RGS7BP: variants seen among roughly 807,000 people sequenced by gnomAD.
RGS7BP encodes the protein regulator of G protein signaling 7 binding protein, also known as regulator of G protein signaling 7-binding protein.
In RGS7BP, 9 loss-of-function variants were observed where a neutral mutation model predicts 31.3. That is an observed-to-expected ratio of 0.29 (90% CI 0.17 to 0.50). The LOEUF (loss-of-function observed/expected upper bound fraction) is 0.50, where lower values mean the gene tolerates loss of function less well. Ranked by LOEUF, RGS7BP falls within the 20% of genes least tolerant of loss-of-function variation. The pLI, the probability that RGS7BP is intolerant of heterozygous loss-of-function variation, is 0.98. For synonymous variants in RGS7BP, 115 were observed against 120.1 expected (o/e 0.96, Z 0.28); for missense variants, 274 against 322.0 (o/e 0.85, Z 1.14).
At chr5:64,522,573 T>C (rs937570870) in intron 2 of RGS7BP, among the ~76,000 whole-genome samples, 20 of 152,348 alleles carry the variant, frequency 1.3e-4, no homozygotes, top group African/African-American at 3.4e-4. Context: ...TGTACCATCA[T>C]TGAATAATGA....
rs149463466 is a variant in RGS7BP, at chr5:64,525,162, C to T, written c.332+17285C>T. Among the ~76,000 whole-genome samples the T allele has an allele frequency of 9.5e-3, 1,442 of 152,088 alleles. 20 individuals are homozygous for T. Among genetic ancestry groups the T allele is most frequent in the African/African-American group, 0.033 (1,353 of 41,460 alleles). On this transcript the variant is annotated intron_variant, in intron 2 of 5. Transcript: ENST00000334025. ...AGCCATTTCAACTTCCTCCCTCCTC[C>T]GGGGATGAAATAGAAGCCCCCAAGC...
chr5:64,545,926 A>G (rs747401948), intron 2 of RGS7BP, among the ~76,000 whole-genome samples: 23 of 152,146 alleles, frequency 1.5e-4, no homozygotes, highest in Admixed American at 3.3e-4. Flanking sequence ...TAAATGTTAC[A>G]AGTATTAATG....
At chr5:64,608,171 C>A (rs1743412421) in intron 5 of RGS7BP, among the ~76,000 whole-genome samples, 1 of 152,030 alleles carries the variant, frequency 6.6e-6, no homozygotes, top group Non-Finnish European at 1.5e-5. Flanking sequence ...CCAGTCTGAC[C>A]ATGTCATAAC....
chr5:64,517,843 G>A (rs565349041), intron 2 of RGS7BP, among the ~76,000 whole-genome samples: 37 of 152,148 alleles, frequency 2.4e-4, no homozygotes, highest in Admixed American at 3.9e-4. Flanking sequence ...GAGCCTGCAA[G>A]GAGTATAGGT....
At chr5:64,591,598 A>G (rs976032109) in intron 3 of RGS7BP, among the ~76,000 whole-genome samples, 2 of 152,144 alleles carry the variant, frequency 1.3e-5, no homozygotes, top group African/African-American at 2.4e-5. Flanking sequence ...TAAAATGTGC[A>G]TACATATACT....
intron 2 of RGS7BP, among the ~76,000 whole-genome samples, chr5:64,570,175 TAAGTA>T (rs766123194): frequency 5.9e-5 from 9 of 152,108 alleles, no homozygotes; most frequent in Non-Finnish European, 1.3e-4. Flanking sequence ...CAGATAATTA[TAAGTA>T]AAGACTATAT....
chr5:64,588,379 A>C (rs2111938514), intron 3 of RGS7BP, among the ~76,000 whole-genome samples: 1 of 152,316 alleles, frequency 6.6e-6, no homozygotes, highest in African/African-American at 2.4e-5. Flanking sequence ...CATACTTCCT[A>C]TTCAGTATAA....
chr5:64,557,683 T>C (rs1318271531), intron 2 of RGS7BP, among the ~76,000 whole-genome samples: 1 of 152,138 alleles, frequency 6.6e-6, no homozygotes, highest in East Asian at 1.9e-4. Flanking sequence ...CTGTAAGTGA[T>C]GTATTTAGGA....
chr5:64,525,427 T>C (rs148641958), intron 2 of RGS7BP, among the ~76,000 whole-genome samples: 62 of 152,348 alleles, frequency 4.1e-4, no homozygotes, highest in African/African-American at 1.4e-3. Context: ...TGCTGTATCC[T>C]ACTCCTTGAT....
rs534386496 is a variant in RGS7BP, at chr5:64,588,854, A to G, written c.464-5856A>G. 1.2e-4 allele frequency among the ~76,000 whole-genome samples: 19 copies of G among 152,330 alleles called. No homozygotes were observed. In the South Asian group the frequency reaches 3.7e-3, roughly 30 times the overall value. On this transcript the variant is annotated intron_variant, in intron 3 of 5. Transcript: ENST00000334025. ...ACTGAGCCAGAGACTCCAATATAAA[A>G]TAGCAATTCGGAAAGAACAGAGAGA...
intron 2 of RGS7BP, among the ~76,000 whole-genome samples, chr5:64,513,142 G>A (rs185840298): frequency 2.3e-4 from 35 of 152,196 alleles, no homozygotes; most frequent in African/African-American, 6.7e-4. Flanking sequence ...ATTGAATTCC[G>A]GAAATAATAT....
intron 5 of RGS7BP, among the ~76,000 whole-genome samples, chr5:64,600,692 A>G (rs1743195435): frequency 6.6e-6 from 1 of 152,222 alleles, no homozygotes; most frequent in Admixed American, 6.5e-5. Context: ...GGATTTTAAT[A>G]ATCAAAAATA....
intron 3 of RGS7BP, among the ~76,000 whole-genome samples, chr5:64,579,718 A>G (rs961343640): frequency 2.0e-5 from 3 of 152,120 alleles, no homozygotes; most frequent in Non-Finnish European, 4.4e-5. Flanking sequence ...AATTTGTGGA[A>G]TGACAAATAA....
At chr5:64,525,761 C>T (rs1248639955) in intron 2 of RGS7BP, among the ~76,000 whole-genome samples, 1 of 152,132 alleles carries the variant, frequency 6.6e-6, no homozygotes, top group Non-Finnish European at 1.5e-5. Context: ...CTCCAGCCAT[C>T]CTGTTATTTA....
intron 2 of RGS7BP, among the ~76,000 whole-genome samples, chr5:64,527,606 T>TAAAAAAAAA (rs59081277): frequency 1.0e-3 from 90 of 86,486 alleles, no homozygotes; most frequent in Non-Finnish European, 1.3e-3. Context: ...CTTATAACAG[T>TAAAAAAAAA]AAAAAAAAAA....
chr5:64,581,459 T>G (rs1742595726), intron 3 of RGS7BP, among the ~76,000 whole-genome samples: 1 of 152,214 alleles, frequency 6.6e-6, no homozygotes, highest in African/African-American at 2.4e-5. Context: ...TTTATGTCTA[T>G]CTACCTCCCT....
At chr5:64,602,578 C>G (rs1445586173) in intron 5 of RGS7BP, among the ~76,000 whole-genome samples, 2 of 152,166 alleles carry the variant, frequency 1.3e-5, no homozygotes, top group Admixed American at 1.3e-4. Context: ...CTCTCCTCCA[C>G]TAAAACCTGT....
At chr5:64,556,661 A>G (rs1741936489) in intron 2 of RGS7BP, among the ~76,000 whole-genome samples, 1 of 152,104 alleles carries the variant, frequency 6.6e-6, no homozygotes, top group Non-Finnish European at 1.5e-5. Context: ...GTTTTGCTTG[A>G]GGTTTGGGAA....
At chr5:64,517,404 G>A (rs954213854) in intron 2 of RGS7BP, among the ~76,000 whole-genome samples, 15 of 152,126 alleles carry the variant, frequency 9.9e-5, no homozygotes, top group South Asian at 4.1e-4. Flanking sequence ...AACAACTAAC[G>A]ATCTCTGTCA....
Sources: gnomAD v4.1 joint callset for allele counts (sites outside exome capture counted in the v4.1 genomes callset) on GRCh38, gnomAD v4.1.1 for gene constraint, MANE v1.5 for transcripts, NCBI Gene and HGNC (gene_info 2026-07-23, HGNC 2026-07-21) for gene names.